Variants in CNTNAP2 observed in about 807,000 individuals in gnomAD.
CNTNAP2 encodes the protein contactin-associated protein-like 2.
Under a neutral mutation model 155.2 loss-of-function variants are expected in CNTNAP2, and 98 were observed. The observed-to-expected ratio is 0.63, with a 90% CI of 0.54 to 0.75. The LOEUF (loss-of-function observed/expected upper bound fraction) is 0.75. Among genes scored for constraint, CNTNAP2 ranks in the 30% least tolerant of loss-of-function variants. The probability of loss-of-function intolerance (pLI) is 0.00; values close to 1 mark genes in which losing one functional copy is unlikely to be tolerated. For missense variants in CNTNAP2, 1,727 were observed against 1,688.1 expected, an observed-to-expected ratio of 1.02 and a Z score of -0.40; for synonymous variants, 651 against 631.2, an observed-to-expected ratio of 1.03 and a Z score of -0.47.
chr7:146,571,166 T>C (rs1184735114), intron 1 of CNTNAP2, among the ~76,000 whole-genome samples: 1 of 152,070 alleles, frequency 6.6e-6, no homozygotes, highest in African/African-American at 2.4e-5. Context: ...GTTAAGTGTC[T>C]GTTTTTAAGA....
rs571995198 is a variant in CNTNAP2 at position 147,727,033 on chromosome 7, A to ATATG, written c.2098+87730_2098+87731insGTAT. Among the ~76,000 whole-genome samples the ATATG allele has an allele frequency of 1.7e-3, 252 of 151,736 alleles. 1 individual carries two copies. Among genetic ancestry groups the ATATG allele is most frequent in the African/African-American group, 5.8e-3 (239 of 41,296 alleles). ...CGTATATGTATATGTGTGTATATAT[A>ATATG]TATATATGTCCAACCTCAACAAAAT... is the stretch of plus-strand genomic sequence containing the variant. On this transcript the variant is annotated intron_variant, in intron 13 of 23. Transcript: ENST00000361727.
rs180920492 is a variant in CNTNAP2 at position 147,477,156 on chromosome 7, T to G, written c.1671-8779T>G. ...ATGGAAATAAGGCTAAATATTTTTTTGGGGAGAAATATAGTTTACAATTAT... is the reference window on the plus strand; with the variant it reads ...ATGGAAATAAGGCTAAATATTTTTTGGGGGAGAAATATAGTTTACAATTAT... On this transcript the variant is annotated intron_variant, in intron 10 of 23. Transcript: ENST00000361727. Among the ~76,000 whole-genome samples, 668 of 152,302 alleles carry G rather than the reference T, an allele frequency of 4.4e-3. 2 individuals carry two copies. The highest frequency in any genetic ancestry group is 7.1e-3 in the Non-Finnish European group (486 of 68,030).
intron 2 of CNTNAP2, among the ~76,000 whole-genome samples, chr7:146,805,789 A>G (rs1024336782): frequency 2.0e-5 from 3 of 152,226 alleles, no homozygotes; most frequent in Non-Finnish European, 4.4e-5. Context: ...TGCACAATGA[A>G]AAAAGTTTAT....
intron 13 of CNTNAP2, among the ~76,000 whole-genome samples, chr7:147,755,769 T>A (rs1050207244): frequency 6.6e-6 from 1 of 152,224 alleles, no homozygotes; most frequent in Non-Finnish European, 1.5e-5. Flanking sequence ...AGATCCCACA[T>A]CTGGTTTAGT....
chr7:146,313,735 A>G (rs1800863699), intron 1 of CNTNAP2, among the ~76,000 whole-genome samples: 1 of 152,142 alleles, frequency 6.6e-6, no homozygotes, highest in South Asian at 2.1e-4. Context: ...ACGGTGGCTC[A>G]CAGCTGTAAT....
At chr7:146,184,337 G>A (rs574541111) in intron 1 of CNTNAP2, among the ~76,000 whole-genome samples, 1 of 152,168 alleles carries the variant, frequency 6.6e-6, no homozygotes, top group Admixed American at 6.6e-5. Flanking sequence ...CAAAATAACC[G>A]AAATGGCAGG....
chr7:146,441,284 G>T (rs1225212906), intron 1 of CNTNAP2, among the ~76,000 whole-genome samples: 1 of 151,420 alleles, frequency 6.6e-6, no homozygotes, highest in Non-Finnish European at 1.5e-5. Context: ...TATTCTTCTG[G>T]GTTGGCAAAA....
chr7:146,606,593 A>G (rs1027111798), intron 1 of CNTNAP2, among the ~76,000 whole-genome samples: 2 of 152,124 alleles, frequency 1.3e-5, no homozygotes, highest in African/African-American at 4.8e-5. Flanking sequence ...TCTCTTTTGT[A>G]TGGTTATGTG....
At chr7:147,473,395 A>G (rs1798261383) in intron 10 of CNTNAP2, among the ~76,000 whole-genome samples, 1 of 152,182 alleles carries the variant, frequency 6.6e-6, no homozygotes, top group East Asian at 1.9e-4. Flanking sequence ...CAGAGGAGAT[A>G]GGACACAGAG....
At chr7:148,360,712 T>A (rs1374756349) in intron 21 of CNTNAP2, among the ~76,000 whole-genome samples, 4 of 152,130 alleles carry the variant, frequency 2.6e-5, no homozygotes, top group African/African-American at 4.8e-5. Flanking sequence ...TGGGAAAAAA[T>A]TATTTTTATT....
intron 13 of CNTNAP2, among the ~76,000 whole-genome samples, chr7:147,782,021 T>TAAAA (rs11390927): frequency 7.3e-6 from 1 of 137,810 alleles, no homozygotes; most frequent in African/African-American, 2.7e-5. Context: ...AGATTCCGTT[T>TAAAA]AAAAAAAAAA....
chr7:147,076,532 G>A lies in CNTNAP2; in HGVS notation c.551-31615G>A, dbSNP rs138583093. ...AGTTCTTTGTAGATTCTGGATATTA[G>A]CCCTTTGTCAGATGGGTAGTATTTT... On this transcript the variant is annotated intron_variant, in intron 4 of 23. Transcript: ENST00000361727. Among the ~76,000 whole-genome samples the A allele has an allele frequency of 9.2e-5, 14 of 152,218 alleles. No homozygotes were observed. The East Asian group carries it at 2.7e-3, about 29-fold the overall frequency.
At chr7:146,624,468 ATTAC>A (rs1799384973) in intron 1 of CNTNAP2, among the ~76,000 whole-genome samples, 1 of 113,938 alleles carries the variant, frequency 8.8e-6, no homozygotes, top group Admixed American at 7.9e-5. Flanking sequence ...GCTCAGCATT[ATTAC>A]TTTTTTTATC....
intron 12 of CNTNAP2, among the ~76,000 whole-genome samples, chr7:147,583,478 TTA>T (rs1364775781): frequency 3.0e-5 from 4 of 135,302 alleles, no homozygotes; most frequent in African/African-American, 8.6e-5. Context: ...TGCTCATTTC[TTA>T]TATATATATA....
intron 3 of CNTNAP2, among the ~76,000 whole-genome samples, chr7:146,884,725 C>A (rs2129210150): frequency 6.6e-6 from 1 of 151,790 alleles, no homozygotes; most frequent in South Asian, 2.1e-4. Flanking sequence ...CTAACTGGGG[C>A]CAAAATGCTG....
chr7:146,811,184 G>A (rs1803059725), intron 2 of CNTNAP2, among the ~76,000 whole-genome samples: 1 of 152,132 alleles, frequency 6.6e-6, no homozygotes, highest in Non-Finnish European at 1.5e-5. Context: ...CAATTTTTGG[G>A]GGGGAGATTT....
chr7:146,226,536 G>A (rs1042957121), intron 1 of CNTNAP2, among the ~76,000 whole-genome samples: 1 of 152,066 alleles, frequency 6.6e-6, no homozygotes. Flanking sequence ...GTGCACACTT[G>A]TAGACCCAGG....
At chr7:147,620,636 A>G (rs1294843383) in intron 12 of CNTNAP2, among the ~76,000 whole-genome samples, 2 of 151,996 alleles carry the variant, frequency 1.3e-5, no homozygotes, top group African/African-American at 4.8e-5. Context: ...ATAGCATAAG[A>G]GATCAAACAG....
At chr7:147,320,718 A>T (rs1563159510) in intron 9 of CNTNAP2, among the ~76,000 whole-genome samples, 1 of 152,158 alleles carries the variant, frequency 6.6e-6, no homozygotes, top group Non-Finnish European at 1.5e-5. Flanking sequence ...GCAATTTTAA[A>T]ATCTTGCTAG....
Sources: allele counts gnomAD v4.1 joint callset (sites outside exome capture counted in the v4.1 genomes callset), GRCh38; gene constraint gnomAD v4.1.1; transcripts MANE v1.5; gene names NCBI Gene and HGNC (gene_info 2026-07-23, HGNC 2026-07-21).